The following DLGAP1 variants were observed in gnomAD, a reference collection of about 807,000 sequenced individuals.
DLGAP1 encodes DLG associated protein 1.
Under a neutral mutation model 90.8 loss-of-function variants are expected in DLGAP1, and 11 were observed. That is an observed-to-expected ratio of 0.12 (90% CI 0.08 to 0.20). The LOEUF (loss-of-function observed/expected upper bound fraction) is 0.20, where lower values mean the gene tolerates loss of function less well. Among genes scored for constraint, DLGAP1 ranks in the 10% least tolerant of loss-of-function variants. DLGAP1 has a pLI of 1.00. For missense variants in DLGAP1, 1,050 were observed against 1,333.8 expected, an observed-to-expected ratio of 0.79 and a Z score of 3.31; for synonymous variants, 558 against 540.7, an observed-to-expected ratio of 1.03 and a Z score of -0.44.
chr18:3,520,596 C>T (rs2051121684), intron 10 of DLGAP1, among the ~76,000 whole-genome samples: 1 of 152,102 alleles, frequency 6.6e-6, no homozygotes, highest in Non-Finnish European at 1.5e-5. Flanking sequence ...CAGACACACA[C>T]ACAGAGGGGA....
intron 1 of DLGAP1, among the ~76,000 whole-genome samples, chr18:4,209,620 A>G (rs531257908): frequency 6.6e-6 from 1 of 152,326 alleles, no homozygotes; most frequent in South Asian, 2.1e-4. Context: ...TCAAATGTAA[A>G]TCCTTTTGAG....
chr18:3,664,218 CCACACACA>C (rs759262912), intron 7 of DLGAP1, among the ~76,000 whole-genome samples: 2 of 75,774 alleles, frequency 2.6e-5, no homozygotes, highest in Admixed American at 2.3e-4. Context: ...ACACACACAC[CCACACACA>C]CACACACACA....
At chr18:4,242,436 A>C (rs1468910212) in intron 1 of DLGAP1, among the ~76,000 whole-genome samples, 1 of 152,142 alleles carries the variant, frequency 6.6e-6, no homozygotes, top group African/African-American at 2.4e-5. Flanking sequence ...ATGAAGGAGA[A>C]CACAAGCAGC....
chr18:4,217,412 A>C (rs947015009), intron 1 of DLGAP1, among the ~76,000 whole-genome samples: 4 of 152,116 alleles, frequency 2.6e-5, no homozygotes, highest in African/African-American at 9.7e-5. Context: ...TATGATTGCT[A>C]GTACATGTGG....
chr18:4,173,844 T>C (rs558579010), intron 1 of DLGAP1, among the ~76,000 whole-genome samples: 2 of 152,328 alleles, frequency 1.3e-5, no homozygotes, highest in African/African-American at 4.8e-5. Flanking sequence ...TTCAAATATA[T>C]GGTCCTTTTC....
intron 5 of DLGAP1, among the ~76,000 whole-genome samples, chr18:3,797,583 A>G (rs1054188920): frequency 3.9e-5 from 6 of 152,196 alleles, no homozygotes; most frequent in African/African-American, 1.4e-4. Flanking sequence ...AATAATAACA[A>G]AAGAAAGAAA....
At chr18:4,419,061 T>TA (rs756696910) in intron 1 of DLGAP1, among the ~76,000 whole-genome samples, 21 of 152,030 alleles carry the variant, frequency 1.4e-4, no homozygotes, top group African/African-American at 4.8e-4. Flanking sequence ...AATGGAGTGC[T>TA]AAAAAAAATG....
chr18:4,432,817 TAAAG>T (rs1381458840), intron 1 of DLGAP1, among the ~76,000 whole-genome samples: 1 of 152,136 alleles, frequency 6.6e-6, no homozygotes, highest in Admixed American at 6.6e-5. Context: ...TATAATTCTA[TAAAG>T]ATCTAAGCCT....
intron 1 of DLGAP1, among the ~76,000 whole-genome samples, chr18:4,170,742 C>T (rs2077009513): frequency 1.3e-5 from 2 of 152,054 alleles, no homozygotes; most frequent in South Asian, 4.1e-4. Flanking sequence ...ATAATAATAA[C>T]CTTACTTATT....
At chr18:3,511,197 C>G (rs1415335060) in intron 10 of DLGAP1, among the ~76,000 whole-genome samples, 1 of 152,202 alleles carries the variant, frequency 6.6e-6, no homozygotes, top group Non-Finnish European at 1.5e-5. Flanking sequence ...CAGATGACAA[C>G]TCATATTTCC....
At chr18:3,501,658 C>T (rs1297544742) in intron 12 of DLGAP1, among the ~76,000 whole-genome samples, 1 of 151,996 alleles carries the variant, frequency 6.6e-6, no homozygotes, top group Non-Finnish European at 1.5e-5. Flanking sequence ...ACAGGGCCAC[C>T]AGCATTTCAA....
rs141231556 is a variant in DLGAP1, at chr18:3,886,385, T to G, written c.-72-6245A>C. ...TAATCACATCAAGGTAAATGGAATA[T>G]CCATCACGTCAAATATTTATCCTTT... On this transcript the variant is annotated intron_variant, in intron 3 of 12. Transcript: ENST00000315677. 4.7e-3 allele frequency among the ~76,000 whole-genome samples: 717 copies of G among 152,304 alleles called. 20 individuals are homozygous for G. Among genetic ancestry groups the G allele is most frequent in the Admixed American group, 0.035 (541 of 15,288 alleles).
At position 3,695,379 on chromosome 18, in the gene DLGAP1, A is replaced by G. The variant is rs183462675; in HGVS notation, c.1591+33756T>C. On this transcript the variant is annotated intron_variant, in intron 7 of 12. Transcript: ENST00000315677. Reference sequence around the variant, plus strand: ...TAATCCATCTTGAGTTAATTTTTGTATAAGGTGTAAGGAAGGGGTCCAGTT... The same window carrying G: ...TAATCCATCTTGAGTTAATTTTTGTGTAAGGTGTAAGGAAGGGGTCCAGTT... Among the ~76,000 whole-genome samples the G allele has an allele frequency of 4.5e-3, 687 of 152,212 alleles. 5 individuals are homozygous for G. The highest frequency in any genetic ancestry group is 0.015 in the African/African-American group (634 of 41,526).
At position 4,265,545 on chromosome 18, in the gene DLGAP1, CCT is replaced by C. The variant is rs1226672706; in HGVS notation, c.-266-114260_-266-114259del. ...TTTCTTTCCTTCCTTCCTTCCCTCC[CCT>C]TCCTTCCTTCCTTCCTTTCCTTTCC... is the stretch of plus-strand genomic sequence containing the variant. On this transcript the variant is annotated intron_variant, in intron 1 of 12. Coordinates refer to ENST00000315677, the MANE Select transcript of DLGAP1 (RefSeq NM_004746.4). 2.7e-3 allele frequency among the ~76,000 whole-genome samples: 300 copies of C among 112,496 alleles called. 4 individuals carry two copies. The highest frequency in any genetic ancestry group is 9.6e-3 in the African/African-American group (290 of 30,356). 73.8% of individuals were successfully genotyped at this position (112,496 alleles called of 152,430 possible). A position where few individuals can be genotyped will look rare whatever the true frequency, so the allele number is the denominator to read the frequency against.
At chr18:4,209,213 G>A (rs962984910) in intron 1 of DLGAP1, among the ~76,000 whole-genome samples, 3 of 152,172 alleles carry the variant, frequency 2.0e-5, no homozygotes, top group Non-Finnish European at 2.9e-5. Flanking sequence ...AGCAAGGATT[G>A]GGGTTATGGC....
At chr18:4,221,446 G>A (rs1051171282) in intron 1 of DLGAP1, among the ~76,000 whole-genome samples, 2 of 152,078 alleles carry the variant, frequency 1.3e-5, no homozygotes, top group Non-Finnish European at 2.9e-5. Flanking sequence ...GTTTGGTTAT[G>A]TGACTTTCTC....
At chr18:4,088,684 C>T (rs2075723878) in intron 2 of DLGAP1, among the ~76,000 whole-genome samples, 1 of 152,036 alleles carries the variant, frequency 6.6e-6, no homozygotes, top group East Asian at 1.9e-4. Flanking sequence ...CTCCAGCCGT[C>T]TGAAGATGTC....
intron 4 of DLGAP1, among the ~76,000 whole-genome samples, chr18:3,837,794 G>GT (rs2068478506): frequency 7.9e-6 from 1 of 127,286 alleles, no homozygotes; most frequent in Non-Finnish European, 1.6e-5. Flanking sequence ...GGAGGTTGCA[G>GT]TGAGCCAAGA....
intron 2 of DLGAP1, among the ~76,000 whole-genome samples, chr18:4,077,766 T>A (rs1056093396): frequency 6.6e-6 from 1 of 152,196 alleles, no homozygotes; most frequent in Non-Finnish European, 1.5e-5. Context: ...GCCTCAGGGA[T>A]TCCTTTATAG....
Sources: gnomAD v4.1 joint callset for allele counts (sites outside exome capture counted in the v4.1 genomes callset) on GRCh38, gnomAD v4.1.1 for gene constraint, MANE v1.5 for transcripts, NCBI Gene and HGNC (gene_info 2026-07-23, HGNC 2026-07-21) for gene names.